Variants in SMAD4 observed in about 807,000 individuals in gnomAD.
The protein encoded by SMAD4 is SMAD family member 4, also known as MAD homolog 4.
A neutral mutation model predicts 63.2 loss-of-function variants in SMAD4; 7 were observed. The ratio of observed to expected loss-of-function variants is 0.11; its 90% CI spans 0.06 to 0.21. SMAD4 has a LOEUF of 0.21. Among genes scored for constraint, SMAD4 ranks in the 10% least tolerant of loss-of-function variants. SMAD4 has a pLI of 1.00. For synonymous variants in SMAD4, 215 were observed against 235.4 expected, an observed-to-expected ratio of 0.91 and a Z score of 0.79; for missense variants, 312 against 693.8, an observed-to-expected ratio of 0.45 and a Z score of 6.18.
rs1228278710 is a variant in SMAD4 at position 51,082,723 on chromosome 18, G to C, written c.*4256G>C. The C allele has an allele frequency of 4.3e-6, 1 of 230,266 alleles. No homozygotes were observed. The highest frequency in any genetic ancestry group is 8.6e-6 in the Non-Finnish European group (1 of 116,494). The allele number at this position is 230,266 out of a possible 1,614,324, so 14.3% of individuals were successfully genotyped here. Reference sequence around the variant, plus strand: ...AATGGTCTGAGACAGCTATGGTTTTGAATTTTTAGTTTTTTTTTTTTAACC... The same window carrying C: ...AATGGTCTGAGACAGCTATGGTTTTCAATTTTTAGTTTTTTTTTTTTAACC... On this transcript the variant is annotated 3_prime_UTR_variant, in exon 12 of 12. Coordinates refer to ENST00000342988, the MANE Select transcript of SMAD4 (RefSeq NM_005359.6).
chr18:51,068,251 C>G (rs187383996), intron 10 of SMAD4, among the ~76,000 whole-genome samples: 1 of 152,078 alleles, frequency 6.6e-6, no homozygotes, highest in Non-Finnish European at 1.5e-5. Flanking sequence ...CCAAGTATAG[C>G]GAAAATAATA....
At chr18:51,057,281 C>A (rs1048520098) in intron 5 of SMAD4, among the ~76,000 whole-genome samples, 1 of 151,824 alleles carries the variant, frequency 6.6e-6, no homozygotes, top group East Asian at 1.9e-4. Context: ...GATTAACAGT[C>A]GAGTTAATTA....
rs1178398899 is a variant in SMAD4 at position 51,078,726 on chromosome 18, T to C, written c.*259T>C. On this transcript the variant is annotated 3_prime_UTR_variant, in exon 12 of 12. Coordinates refer to ENST00000342988, the MANE Select transcript of SMAD4 (RefSeq NM_005359.6). ...ATTCTTATTAATTCTTCACCTGTTA[T>C]GTATGAAGGAATCATTCCAGTGCTA... 6.6e-5 allele frequency: 31 copies of C among 467,466 alleles called. No individual in the cohort carries two copies. Among genetic ancestry groups the C allele is most frequent in the Non-Finnish European group, 1.1e-4 (30 of 261,412 alleles). 29.0% of individuals were successfully genotyped at this position (467,466 alleles called of 1,614,324 possible). A position where few individuals can be genotyped will look rare whatever the true frequency, so the allele number is the denominator to read the frequency against.
chr18:51,046,126 G>T (rs1436086758), intron 1 of SMAD4, among the ~76,000 whole-genome samples: 2 of 152,128 alleles, frequency 1.3e-5, no homozygotes, highest in Non-Finnish European at 2.9e-5. Context: ...TCAAGTAGAA[G>T]TGTGAAGAGT....
intron 1 of SMAD4, among the ~76,000 whole-genome samples, chr18:51,030,837 C>T (rs1261974919): frequency 1.3e-5 from 2 of 151,700 alleles, no homozygotes; most frequent in Non-Finnish European, 2.9e-5. Context: ...GTCCCTCGGG[C>T]CCCCAGCTCC....
At chr18:51,051,998 A>C (rs1909726117) in intron 4 of SMAD4, among the ~76,000 whole-genome samples, 1 of 151,838 alleles carries the variant, frequency 6.6e-6, no homozygotes, top group Non-Finnish European at 1.5e-5. Flanking sequence ...TTTTTAGTAG[A>C]GATGGGGTTT....
At chr18:51,051,299 A>C (rs1234012875) in intron 4 of SMAD4, 2 of 451,936 alleles carry the variant, frequency 4.4e-6, no homozygotes, top group Non-Finnish European at 8.9e-6. Context: ...TCAGCCTTGT[A>C]GATCCCCCTA....
intron 1 of SMAD4, among the ~76,000 whole-genome samples, chr18:51,032,348 G>GA (rs1170606036): frequency 6.6e-6 from 1 of 151,830 alleles, no homozygotes; most frequent in Non-Finnish European, 1.5e-5. Context: ...CTTGAGTTTA[G>GA]AAAAAACCAA....
chr18:51,049,269 T>C, intron 3 of SMAD4, 26 bp from the exon 4 acceptor site: 1 of 1,512,962 alleles, frequency 6.6e-7, no homozygotes, highest in Non-Finnish European at 9.2e-7. Flanking sequence ...TAATGTTTCA[T>C]TTGTTTTCCC....
chr18:51,083,591 C>A lies in SMAD4; in HGVS notation c.*5124C>A, dbSNP rs936030788. Reference sequence around the variant, plus strand: ...TCTCAATAGGTCCAGAGCCAGTGTTCTTGTTCAACCTGAAAGTAATGGCTC... The same window carrying A: ...TCTCAATAGGTCCAGAGCCAGTGTTATTGTTCAACCTGAAAGTAATGGCTC... On this transcript the variant is annotated 3_prime_UTR_variant, in exon 12 of 12. Transcript: ENST00000342988. 1 of 227,794 alleles carries A rather than the reference C, an allele frequency of 4.4e-6. No individual in the cohort carries two copies. Among genetic ancestry groups the A allele is most frequent in the Non-Finnish European group, 8.7e-6 (1 of 114,670 alleles). The allele number at this position is 227,794 out of a possible 1,614,324, so 14.1% of individuals were successfully genotyped here. A position where few individuals can be genotyped will look rare whatever the true frequency, so the allele number is the denominator to read the frequency against.
At chr18:51,043,860 C>G (rs1215423727) in intron 1 of SMAD4, among the ~76,000 whole-genome samples, 1 of 152,186 alleles carries the variant, frequency 6.6e-6, no homozygotes, top group East Asian at 1.9e-4. Context: ...TCAAAAGTGT[C>G]TGCACTCTTC....
intron 1 of SMAD4, among the ~76,000 whole-genome samples, chr18:51,042,344 T>C (rs1050194071): frequency 2.4e-5 from 3 of 127,022 alleles, no homozygotes; most frequent in Non-Finnish European, 4.9e-5. Context: ...TCCCTCTCTC[T>C]TTCTCTCTGT....
intron 1 of SMAD4, among the ~76,000 whole-genome samples, chr18:51,032,831 A>G (rs1259424549): frequency 6.6e-6 from 1 of 152,012 alleles, no homozygotes; most frequent in Non-Finnish European, 1.5e-5. Flanking sequence ...GCTTGTCTAA[A>G]TTTTTGCCTA....
In SMAD4 at chr18:51,084,010, GCGCACACACA is replaced by G. The variant is rs1412127564; in HGVS notation, c.*5545_*5554del. The G allele has an allele frequency of 1.6e-3, 99 of 60,698 alleles. No individual in the cohort carries two copies. Among genetic ancestry groups the G allele is most frequent in the African/African-American group, 4.6e-3 (93 of 20,258 alleles). 3.8% of individuals were successfully genotyped at this position (60,698 alleles called of 1,614,324 possible). A position where few individuals can be genotyped will look rare whatever the true frequency, so the allele number is the denominator to read the frequency against. ...ACTTAACGCGCGTGCGCACGCGCGC[GCGCACACACA>G]CACACACACACACACACACACACAG... On this transcript the variant is annotated 3_prime_UTR_variant, in exon 12 of 12. Transcript: ENST00000342988.
At chr18:51,055,065 TG>T in intron 5 of SMAD4, 72 bp downstream of exon 5, 2 of 1,128,414 alleles carry the variant, frequency 1.8e-6, no homozygotes, top group East Asian at 2.3e-5. Flanking sequence ...TGTAGTCACT[TG>T]GGGGGAAACT....
In SMAD4 at chr18:51,078,548, T is replaced by G. The variant is rs886053894; in HGVS notation, c.*81T>G. ...ATCCTGTTTATAATCTGAAGATATATTTCACTTTTGTTCTGCTTTATCTTT... is the reference window on the plus strand; with the variant it reads ...ATCCTGTTTATAATCTGAAGATATAGTTCACTTTTGTTCTGCTTTATCTTT... On this transcript the variant is annotated 3_prime_UTR_variant, in exon 12 of 12. Coordinates refer to ENST00000342988, the MANE Select transcript of SMAD4 (RefSeq NM_005359.6). 9 of 1,017,410 alleles carry G rather than the reference T, an allele frequency of 8.8e-6. No homozygotes were observed. The African/African-American group carries it at 1.4e-4, about 16-fold the overall frequency. 63.0% of individuals were successfully genotyped at this position (1,017,410 alleles called of 1,614,324 possible).
At chr18:51,069,532 C>G (rs1449259099) in intron 10 of SMAD4, among the ~76,000 whole-genome samples, 1 of 152,032 alleles carries the variant, frequency 6.6e-6, no homozygotes, top group Non-Finnish European at 1.5e-5. Context: ...TTTTTTCTTC[C>G]TGTCATTGCT....
At chr18:51,078,215 T>C (rs747813935) in intron 11 of SMAD4, 41 bp from the exon 12 acceptor site, 1 of 1,505,472 alleles carries the variant, frequency 6.6e-7, no homozygotes, top group Admixed American at 1.7e-5. Flanking sequence ...TGGGAAGAGA[T>C]CACCCTGTCC....
intron 5 of SMAD4, 127 bp downstream of exon 5, chr18:51,055,120 GTAAACAGGTAT>G: frequency 1.3e-6 from 1 of 749,870 alleles, no homozygotes; most frequent in Admixed American, 1.9e-5. Flanking sequence ...TCTTTCATAG[GTAAACAGGTAT>G]TAAACAGGTA....
Sources: gnomAD v4.1 joint callset for allele counts (sites outside exome capture counted in the v4.1 genomes callset) on GRCh38, gnomAD v4.1.1 for gene constraint, MANE v1.5 for transcripts, NCBI Gene and HGNC (gene_info 2026-07-23, HGNC 2026-07-21) for gene names.